Variants in NSD2 observed in about 807,000 individuals in gnomAD.
NSD2 encodes the protein nuclear receptor binding SET domain protein 2, also known as histone-lysine N-methyltransferase NSD2.
Under a neutral mutation model 139.0 loss-of-function variants are expected in NSD2, and 12 were observed. That is an observed-to-expected ratio of 0.09 (90% CI 0.06 to 0.14). The LOEUF (loss-of-function observed/expected upper bound fraction) is 0.14. Ranked by LOEUF, NSD2 falls within the 10% of genes least tolerant of loss-of-function variation. The pLI is 1.00. For missense variants in NSD2, 1,155 were observed against 1,745.0 expected, an observed-to-expected ratio of 0.66 and a Z score of 6.02; for synonymous variants, 669 against 648.7, an observed-to-expected ratio of 1.03 and a Z score of -0.48.
chr4:1,975,633 G>C, intron 20 of NSD2: 1 of 513,876 alleles, frequency 1.9e-6, no homozygotes, highest in Non-Finnish European at 3.5e-6. Flanking sequence ...TCACAGACGC[G>C]TGGTTTCGCA....
In NSD2 at chr4:1,942,131, GA is replaced by G; in HGVS notation, c.1881+2358del. 4.7e-6 allele frequency: 6 copies of G among 1,273,898 alleles called. No individual in the cohort carries two copies. The highest frequency in any genetic ancestry group is 4.0e-6 in the Non-Finnish European group (4 of 1,006,924). 78.9% of individuals were successfully genotyped at this position (1,273,898 alleles called of 1,614,324 possible). A position where few individuals can be genotyped will look rare whatever the true frequency, so the allele number is the denominator to read the frequency against. On this transcript the variant is annotated intron_variant, in intron 9 of 21. Transcript: ENST00000508803. This position sits in a 1 kb window ranked among gnomAD's most constrained non-coding sequence, Gnocchi z 4.0. ...TCATGTTGTAGTTTAAATTCTTCTTGAAAAAGGTATATGTGATAAATAAAAA... is the reference window on the plus strand; with the variant it reads ...TCATGTTGTAGTTTAAATTCTTCTTGAAAAGGTATATGTGATAAATAAAAA...
rs992294946 is a variant in NSD2, at chr4:1,946,571, G to A, written c.1882-4501G>A. On this transcript the variant is annotated intron_variant, in intron 9 of 21. Coordinates refer to ENST00000508803, the MANE Select transcript of NSD2 (RefSeq NM_001042424.3). The stretch of plus-strand genomic sequence containing the variant: ...GGCGTAAGCCACTGCACCTGGCGGG[G>A]TCTTGCTTATTTTAAAAGAAATATT... The A allele has an allele frequency of 2.0e-5, 20 of 1,019,598 alleles. No individual in the cohort carries two copies. In the African/African-American group the frequency reaches 3.4e-4, roughly 17 times the overall value. 63.2% of individuals were successfully genotyped at this position (1,019,598 alleles called of 1,614,324 possible).
At position 1,972,171 on chromosome 4, in the gene NSD2, C is replaced by T. The variant is rs1321303687; in HGVS notation, c.3373-2692C>T. 6.6e-6 allele frequency among the ~76,000 whole-genome samples: 1 copy of T among 152,188 alleles called. No homozygotes were observed. Among genetic ancestry groups the T allele is most frequent in the East Asian group, 1.9e-4 (1 of 5,196 alleles). On this transcript the variant is annotated intron_variant, in intron 18 of 21. Transcript: ENST00000508803. The surrounding 1 kb of genome is among the most constrained non-coding windows in gnomAD (Gnocchi z 4.0). ...CCAGGTCCACAGGTTTTCCCCTGCCCTCCTCATGTATGCAGAGCCACAAAG... is the reference window on the plus strand; with the variant it reads ...CCAGGTCCACAGGTTTTCCCCTGCCTTCCTCATGTATGCAGAGCCACAAAG...
At chr4:1,896,553 A>T (rs1716335532) in intron 1 of NSD2, among the ~76,000 whole-genome samples, 1 of 152,060 alleles carries the variant, frequency 6.6e-6, no homozygotes, top group Non-Finnish European at 1.5e-5. Flanking sequence ...TTTTGTAGAG[A>T]CAGGGTCTCA....
chr4:1,947,127 T>G (rs536716634), intron 9 of NSD2: 8 of 1,065,104 alleles, frequency 7.5e-6, no homozygotes, highest in African/African-American at 1.6e-5. Context: ...TCGCAGACAG[T>G]GCACAGCCTG....
At chr4:1,922,590 C>A (rs1040091778) in intron 5 of NSD2, among the ~76,000 whole-genome samples, 1 of 152,128 alleles carries the variant, frequency 6.6e-6, no homozygotes, top group African/African-American at 2.4e-5. Flanking sequence ...GAGGCTTGGC[C>A]TGAGGATTTG....
chr4:1,968,795 C>G (rs1726144116), intron 18 of NSD2, among the ~76,000 whole-genome samples: 1 of 152,172 alleles, frequency 6.6e-6, no homozygotes, highest in African/African-American at 2.4e-5. Flanking sequence ...ACACAGGAGA[C>G]AGCATGGAGA....
intron 6 of NSD2, among the ~76,000 whole-genome samples, chr4:1,931,976 G>A (rs1050639845): frequency 9.9e-5 from 15 of 152,212 alleles, no homozygotes; most frequent in African/African-American, 3.6e-4. Flanking sequence ...ATATTTTGCT[G>A]AGTGCTTAGT....
Position 1,923,226 on chromosome 4 carries a change from C to T in NSD2, c.1410+4603C>T, listed in dbSNP as rs552086383. On this transcript the variant is annotated intron_variant, in intron 5 of 21. Coordinates refer to ENST00000508803, the MANE Select transcript of NSD2 (RefSeq NM_001042424.3). ...AATCTAGGCCAGGCATGGTGACTCA[C>T]GCCTGTAATCCCAGTACTTTGGGAG... is the stretch of plus-strand genomic sequence containing the variant. Among the ~76,000 whole-genome samples, 10 of 151,240 alleles carry T rather than the reference C, an allele frequency of 6.6e-5. No individual in the cohort carries two copies. The South Asian group carries it at 1.7e-3, about 25-fold the overall frequency.
At chr4:1,931,677 A>C (rs1405770524) in intron 6 of NSD2, among the ~76,000 whole-genome samples, 4 of 152,158 alleles carry the variant, frequency 2.6e-5, no homozygotes, top group Non-Finnish European at 5.9e-5. Context: ...TCTCTTTCTC[A>C]GATGTTTTCA....
intron 1 of NSD2, among the ~76,000 whole-genome samples, chr4:1,889,646 C>T (rs965783542): frequency 2.6e-5 from 4 of 152,018 alleles, no homozygotes; most frequent in African/African-American, 9.7e-5. Flanking sequence ...GGATTACAGG[C>T]ATGTGCTACC....
chr4:1,884,632 T>C (rs1197077188), intron 1 of NSD2, among the ~76,000 whole-genome samples: 1 of 152,032 alleles, frequency 6.6e-6, no homozygotes, highest in Non-Finnish European at 1.5e-5. Flanking sequence ...GACCTCACGA[T>C]CTGCCTGCCT....
At chr4:1,950,482 G>A (rs1219669183) in intron 9 of NSD2, among the ~76,000 whole-genome samples, 2 of 152,206 alleles carry the variant, frequency 1.3e-5, no homozygotes, top group African/African-American at 4.8e-5. Context: ...ATGGGAGGAA[G>A]AAGAGAAACC....
rs1243352614 is a variant in NSD2 at position 1,975,290 on chromosome 4, C to T, written c.3515-4C>T. ...AATTTGGTGTCTGTCTCCTCTTCTC[C>T]CAGGGACGGAGCTGACTTTTAACTA... is the stretch of plus-strand genomic sequence containing the variant. On this transcript the variant is annotated splice_region_variant and splice_polypyrimidine_tract_variant and intron_variant, in intron 19 of 21. Coordinates refer to ENST00000508803, the MANE Select transcript of NSD2 (RefSeq NM_001042424.3). The T allele has an allele frequency of 1.2e-6, 2 of 1,613,958 alleles. No individual in the cohort carries two copies. The highest frequency in any genetic ancestry group is 1.7e-6 in the Non-Finnish European group (2 of 1,179,954).
chr4:1,978,065 T>G (rs1276268067), intron 21 of NSD2, among the ~76,000 whole-genome samples: 7 of 151,770 alleles, frequency 4.6e-5, no homozygotes, highest in African/African-American at 1.5e-4. Flanking sequence ...AGACGGAGGC[T>G]GCAGTGAGCC....
At position 1,900,885 on chromosome 4, in the gene NSD2, C is replaced by T; in HGVS notation, c.231C>T (p.Asp77=). 1 of 1,612,996 alleles carries T rather than the reference C, an allele frequency of 6.2e-7. No homozygotes were observed. Among genetic ancestry groups the T allele is most frequent in the Non-Finnish European group, 8.5e-7 (1 of 1,179,244 alleles). The part of the protein sequence containing the change: ...GHDALPFIPA[D]KLKDLTSRVF... The stretch of plus-strand genomic sequence containing the variant: ...ACGCCCTGCCCTTTATTCCAGCCGA[C>T]AAGCTGAAAGATCTTACTTCCCGGG... The change falls in exon 2 of 22, where the codon GAC becomes GAT. Residue 77 remains aspartate (D), a synonymous_variant. Transcript: ENST00000508803.
intron 1 of NSD2, among the ~76,000 whole-genome samples, chr4:1,871,937 C>G (rs1713809245): frequency 6.8e-6 from 1 of 147,850 alleles, no homozygotes; most frequent in African/African-American, 2.4e-5. Flanking sequence ...GTGCCCGGCC[C>G]GGCCGAGGCG....
At chr4:1,909,702 A>G (rs1480273017) in intron 3 of NSD2, among the ~76,000 whole-genome samples, 39 of 150,742 alleles carry the variant, frequency 2.6e-4, no homozygotes, top group African/African-American at 2.4e-5. Context: ...GTACAGTGGT[A>G]TGATCTCGGC....
At chr4:1,883,206 A>G (rs1192136684) in intron 1 of NSD2, among the ~76,000 whole-genome samples, 1 of 152,162 alleles carries the variant, frequency 6.6e-6, no homozygotes, top group African/African-American at 2.4e-5. Context: ...GTGCATTTAC[A>G]TTACCTTCCA....
Sources: allele counts gnomAD v4.1 joint callset (sites outside exome capture counted in the v4.1 genomes callset), GRCh38; gene constraint gnomAD v4.1.1; non-coding constraint Gnocchi (gnomAD v3.1); transcripts MANE v1.5; gene names NCBI Gene and HGNC (gene_info 2026-07-23, HGNC 2026-07-21).